ANKFN1: variants seen among roughly 807,000 people sequenced by gnomAD.
ANKFN1 encodes the protein ankyrin repeat and fibronectin type-III domain-containing protein 1.
In ANKFN1, 74 loss-of-function variants were observed where a neutral mutation model predicts 108.7. The ratio of observed to expected loss-of-function variants is 0.68; its 90% confidence interval spans 0.56 to 0.83. The LOEUF (loss-of-function observed/expected upper bound fraction) is 0.83. Among genes scored for constraint, ANKFN1 ranks in the 40% least tolerant of loss-of-function variants. The pLI is 0.00. For synonymous variants in ANKFN1, 547 were observed against 516.2 expected, an observed-to-expected ratio of 1.06 and a Z score of -0.81; for missense variants, 1,505 against 1,382.3, an observed-to-expected ratio of 1.09 and a Z score of -1.41.
chr17:56,269,254 C>T (rs1052382510), intron 3 of ANKFN1, among the ~76,000 whole-genome samples: 4 of 152,214 alleles, frequency 2.6e-5, no homozygotes, highest in African/African-American at 9.6e-5. Flanking sequence ...ATACATTTCA[C>T]TGTCCCCTCT....
intron 4 of ANKFN1, among the ~76,000 whole-genome samples, chr17:56,118,910 G>T (rs776078613): frequency 5.9e-5 from 9 of 152,070 alleles, no homozygotes; most frequent in Non-Finnish European, 1.2e-4. Context: ...ATGCATTTTT[G>T]ATTAACTTGA....
intron 8 of ANKFN1, among the ~76,000 whole-genome samples, chr17:56,399,843 T>TATATA (rs1555645720): frequency 9.3e-4 from 60 of 64,826 alleles, no homozygotes; most frequent in African/African-American, 1.1e-3. Context: ...ATTCCATTTT[T>TATATA]TATATATATA....
intron 3 of ANKFN1, among the ~76,000 whole-genome samples, chr17:56,271,414 G>A (rs1184768821): frequency 6.6e-6 from 1 of 152,198 alleles, no homozygotes; most frequent in African/African-American, 2.4e-5. Flanking sequence ...CTGACACAGG[G>A]AAGTAGCTCA....
intron 4 of ANKFN1, among the ~76,000 whole-genome samples, chr17:56,068,479 A>G (rs949487628): frequency 1.3e-5 from 2 of 152,114 alleles, no homozygotes; most frequent in Admixed American, 1.3e-4. Flanking sequence ...ACATCTTCTC[A>G]TGTCTTTCCA....
chr17:56,128,881 T>C (rs1368610674), intron 4 of ANKFN1, among the ~76,000 whole-genome samples: 1 of 152,200 alleles, frequency 6.6e-6, no homozygotes, highest in African/African-American at 2.4e-5. Flanking sequence ...GATAGACTAT[T>C]TAAGGCAGAA....
intron 2 of ANKFN1, among the ~76,000 whole-genome samples, chr17:56,224,046 C>T (rs1194175140): frequency 6.6e-6 from 1 of 152,222 alleles, no homozygotes; most frequent in African/African-American, 2.4e-5. Flanking sequence ...ACTCCTGGCC[C>T]TCTGACCTTG....
upstream of ANKFN1, among the ~76,000 whole-genome samples, chr17:56,148,679 A>T (rs1046412360): frequency 4.6e-5 from 7 of 152,170 alleles, no homozygotes; most frequent in African/African-American, 1.7e-4. Flanking sequence ...GTAGACTTTT[A>T]TCTTCTCTTT....
chr17:56,112,987 A>T (rs1048390241), intron 4 of ANKFN1, among the ~76,000 whole-genome samples: 1 of 152,230 alleles, frequency 6.6e-6, no homozygotes, highest in African/African-American at 2.4e-5. Context: ...CTGTAGGATG[A>T]ATTTCCCAAA....
chr17:56,332,252 G>A (rs2045684126), intron 4 of ANKFN1, among the ~76,000 whole-genome samples: 1 of 152,060 alleles, frequency 6.6e-6, no homozygotes, highest in Non-Finnish European at 1.5e-5. Flanking sequence ...GGCAATCGAG[G>A]CTCTCTGCTT....
rs530924313 is a variant in ANKFN1, at chr17:56,510,863, G to A, written c.3035G>A (p.Ser1012Asn). 2.6e-6 allele frequency: 4 copies of A among 1,535,972 alleles called. No homozygotes were observed. Among genetic ancestry groups the A allele is most frequent in the Non-Finnish European group, 3.5e-6 (4 of 1,146,924 alleles). Residue 1012 changes from serine (S) to asparagine (N), a missense_variant, in exon 21 of 21, where the codon AGC (serine) becomes AAC (asparagine). By Grantham distance (46) the Ser-to-Asn change is conservative. Coordinates refer to ENST00000682825, the MANE Select transcript of ANKFN1 (RefSeq NM_001370326.1). Reference sequence around the variant, plus strand: ...AAGCACCCCCACTATGGCGGCTTCAGCCGCCATCATCGCTGGTTGCGCATC... The same window carrying A: ...AAGCACCCCCACTATGGCGGCTTCAACCGCCATCATCGCTGGTTGCGCATC... ...PGKHPHYGGF[S>N]RHHRWLRIHS...
intron 7 of ANKFN1, among the ~76,000 whole-genome samples, chr17:56,374,377 T>G (rs1222850343): frequency 1.3e-5 from 2 of 152,218 alleles, no homozygotes; most frequent in Non-Finnish European, 2.9e-5. Flanking sequence ...TAACTGGTAT[T>G]ATTTACCTTT....
At position 56,511,212 on chromosome 17, in the gene ANKFN1, G is replaced by A; in HGVS notation, c.3384G>A (p.Val1128=). Residue 1128 remains valine (V), a synonymous_variant, in exon 21 of 21, where the codon GTG becomes GTA. Transcript: ENST00000682825. ...ITLPSPTGPD[V]SQEGPTASPM... Reference sequence around the variant, plus strand: ...TGCCCAGCCCCACTGGCCCCGATGTGAGTCAGGAGGGCCCCACCGCCTCTC... The same window carrying A: ...TGCCCAGCCCCACTGGCCCCGATGTAAGTCAGGAGGGCCCCACCGCCTCTC... 1 of 1,534,546 alleles carries A rather than the reference G, an allele frequency of 6.5e-7. No homozygotes were observed. The highest frequency in any genetic ancestry group is 8.7e-7 in the Non-Finnish European group (1 of 1,145,810).
At chr17:56,231,684 C>G (rs573118913) in intron 3 of ANKFN1, among the ~76,000 whole-genome samples, 1 of 152,292 alleles carries the variant, frequency 6.6e-6, no homozygotes, top group African/African-American at 2.4e-5. Context: ...TTGTCATGAC[C>G]TAAATGTCAC....
At chr17:56,485,479 G>T (rs1240543823) in intron 18 of ANKFN1, among the ~76,000 whole-genome samples, 1 of 152,146 alleles carries the variant, frequency 6.6e-6, no homozygotes, top group Non-Finnish European at 1.5e-5. Context: ...AAAGATAGGA[G>T]ATGAGGTCAG....
chr17:56,153,559 T>A, intron 1 of ANKFN1, 29 bp downstream of exon 1: 2 of 1,613,246 alleles, frequency 1.2e-6, no homozygotes, highest in Non-Finnish European at 1.7e-6. Context: ...TAAATATCGG[T>A]AATTGGTGTT....
chr17:56,056,334 G>A (rs1225405865), intron 4 of ANKFN1, among the ~76,000 whole-genome samples: 4 of 146,442 alleles, frequency 2.7e-5, no homozygotes, highest in African/African-American at 5.3e-5. Context: ...TAAAGTTCAC[G>A]TGAAACCAAA....
Position 56,188,830 on chromosome 17 carries a change from A to G in ANKFN1, c.-70-23768A>G, listed in dbSNP as rs534142867. On this transcript the variant is annotated intron_variant, in intron 1 of 20. Coordinates refer to ENST00000682825, the MANE Select transcript of ANKFN1 (RefSeq NM_001370326.1). ...GAGGCAACTCTTGATGAGCTCCTAGATGGCTTCAGGATGGGGGCTAGTCAC... is the reference window on the plus strand; with the variant it reads ...GAGGCAACTCTTGATGAGCTCCTAGGTGGCTTCAGGATGGGGGCTAGTCAC... 4.0e-5 allele frequency among the ~76,000 whole-genome samples: 6 copies of G among 151,768 alleles called. 1 individual carries two copies. The South Asian group carries it at 1.3e-3, about 32-fold the overall frequency.
intron 3 of ANKFN1, among the ~76,000 whole-genome samples, chr17:56,276,906 T>G (rs936012676): frequency 6.6e-6 from 1 of 152,204 alleles, no homozygotes; most frequent in African/African-American, 2.4e-5. Context: ...TGATTTTTTT[T>G]GCTGAGGGAG....
intron 4 of ANKFN1, among the ~76,000 whole-genome samples, chr17:56,129,479 C>A (rs1389178153): frequency 7.6e-6 from 1 of 131,920 alleles, no homozygotes; most frequent in South Asian, 2.7e-4. Flanking sequence ...TCTTAGCAAA[C>A]CACTCCATAA....
Sources: gnomAD v4.1 joint callset for allele counts (sites outside exome capture counted in the v4.1 genomes callset) on GRCh38, gnomAD v4.1.1 for gene constraint, MANE v1.5 for transcripts, NCBI Gene and HGNC (gene_info 2026-07-23, HGNC 2026-07-21) for gene names.